ZNF536: variants seen among roughly 807,000 people sequenced by gnomAD.
The protein encoded by ZNF536 is zinc finger protein 536.
ZNF536 carries 13 observed loss-of-function variants against 84.5 expected under a neutral mutation model. The observed-to-expected ratio is 0.15, with a 90% CI of 0.10 to 0.24. The LOEUF is 0.24. Ranked by LOEUF, ZNF536 falls within the 10% of genes least tolerant of loss-of-function variation. The pLI is 1.00. For synonymous variants in ZNF536, 811 were observed against 742.5 expected, an observed-to-expected ratio of 1.09 and a Z score of -1.50; for missense variants, 1,536 against 1,747.5, an observed-to-expected ratio of 0.88 and a Z score of 2.16.
At chr19:30,346,889 T>C (rs1342718623) in intron 2 of ZNF536, among the ~76,000 whole-genome samples, 4 of 152,176 alleles carry the variant, frequency 2.6e-5, no homozygotes, top group African/African-American at 4.8e-5. Context: ...GGTCAAATGG[T>C]ATTTCTGTTT....
chr19:30,560,352 G>A (rs191529907), downstream of ZNF536, among the ~76,000 whole-genome samples: 76 of 151,078 alleles, frequency 5.0e-4, no homozygotes, highest in South Asian at 2.1e-3. Flanking sequence ...CCATCCCTAC[G>A]TGGATATATA....
intron 1 of ZNF536, among the ~76,000 whole-genome samples, chr19:30,585,176 G>A (rs10405094): frequency 0.063 from 9,518 of 152,138 alleles, 831 homozygotes; most frequent in African/African-American, 0.19. Flanking sequence ...TTTTGAGAAG[G>A]CCCAAGAAAT....
chr19:30,235,644 A>T (rs1456807755), intron 1 of ZNF536, among the ~76,000 whole-genome samples: 1 of 152,200 alleles, frequency 6.6e-6, no homozygotes, highest in Non-Finnish European at 1.5e-5. Flanking sequence ...CTAGAGAAAA[A>T]AAGTAGCTTA....
At chr19:30,258,195 A>G (rs2025010364) in intron 1 of ZNF536, among the ~76,000 whole-genome samples, 2 of 152,206 alleles carry the variant, frequency 1.3e-5, no homozygotes, top group Admixed American at 1.3e-4. Context: ...GGCTGCAAAT[A>G]TGCTAACCAT....
At chr19:30,456,753 G>T (rs1473568272) in intron 2 of ZNF536, among the ~76,000 whole-genome samples, 1 of 152,004 alleles carries the variant, frequency 6.6e-6, no homozygotes, top group Non-Finnish European at 1.5e-5. Flanking sequence ...ATGCAAAGAT[G>T]AGTAGAGGCC....
intron 1 of ZNF536, among the ~76,000 whole-genome samples, chr19:30,684,890 A>G (rs113522025): frequency 0.019 from 2,869 of 152,116 alleles, 81 homozygotes; most frequent in African/African-American, 0.065. Context: ...GTTGCACCCT[A>G]TTTATGTCTG....
intron 2 of ZNF536, among the ~76,000 whole-genome samples, chr19:30,510,635 G>C (rs2055370799): frequency 6.6e-6 from 1 of 152,214 alleles, no homozygotes; most frequent in Non-Finnish European, 1.5e-5. Flanking sequence ...TCGATGTAGA[G>C]TGTTGGCCAT....
chr19:30,614,592 G>A (rs1019408585), intron 1 of ZNF536, among the ~76,000 whole-genome samples: 1 of 151,902 alleles, frequency 6.6e-6, no homozygotes, highest in African/African-American at 2.4e-5. Context: ...CTTTAATTAT[G>A]AGTGACATTG....
At chr19:30,271,304 T>C (rs1426939003) in intron 1 of ZNF536, among the ~76,000 whole-genome samples, 6 of 146,550 alleles carry the variant, frequency 4.1e-5, no homozygotes, top group African/African-American at 7.6e-5. Context: ...CTTTTCTTTT[T>C]TTTTTTTTTT....
At chr19:30,658,757 T>C (rs1490542186) in intron 1 of ZNF536, among the ~76,000 whole-genome samples, 3 of 152,196 alleles carry the variant, frequency 2.0e-5, no homozygotes, top group Admixed American at 1.3e-4. Context: ...TTGAAAACTC[T>C]AACCAGTCAG....
At chr19:30,576,859 C>G (rs2046757353) in intron 1 of ZNF536, among the ~76,000 whole-genome samples, 1 of 152,222 alleles carries the variant, frequency 6.6e-6, no homozygotes, top group African/African-American at 2.4e-5. Flanking sequence ...CCTGGAGTTG[C>G]ATGTCTCTTT....
chr19:30,446,271 AAAAG>A (rs1295737805), intron 2 of ZNF536, among the ~76,000 whole-genome samples: 167 of 147,144 alleles, frequency 1.1e-3, no homozygotes, highest in African/African-American at 2.6e-3. Flanking sequence ...AAAAAAAAAA[AAAAG>A]AAAGAAAGAA....
At chr19:30,273,209 TTG>T (rs59032608) in intron 1 of ZNF536, among the ~76,000 whole-genome samples, 44,586 of 149,906 alleles carry the variant, frequency 0.3, 6,573 homozygotes, top group Middle Eastern at 0.36. Flanking sequence ...GCCATGCAGA[TTG>T]TGTGTGTGTG....
At chr19:30,586,101 A>G (rs562384367) in intron 1 of ZNF536, among the ~76,000 whole-genome samples, 9 of 152,282 alleles carry the variant, frequency 5.9e-5, no homozygotes, top group Non-Finnish European at 1.2e-4. Flanking sequence ...CTTAATAGCT[A>G]TGTATATTTG....
intron 2 of ZNF536, among the ~76,000 whole-genome samples, chr19:30,480,885 A>C (rs1232238437): frequency 1.3e-5 from 2 of 152,052 alleles, no homozygotes; most frequent in Admixed American, 1.3e-4. Context: ...AAACTACAAA[A>C]ATTAGCTGGG....
At chr19:30,596,093 C>T (rs1034713934) in intron 1 of ZNF536, among the ~76,000 whole-genome samples, 9 of 152,132 alleles carry the variant, frequency 5.9e-5, no homozygotes, top group African/African-American at 1.4e-4. Flanking sequence ...AGATCGTCTG[C>T]GGGACATACT....
intron 1 of ZNF536, among the ~76,000 whole-genome samples, chr19:30,638,543 C>T (rs767691352): frequency 6.6e-6 from 1 of 152,180 alleles, no homozygotes; most frequent in Non-Finnish European, 1.5e-5. Context: ...AACTTACTCA[C>T]TGTCACAAGA....
chr19:30,254,787 T>C (rs2024823726), intron 1 of ZNF536, among the ~76,000 whole-genome samples: 1 of 152,160 alleles, frequency 6.6e-6, no homozygotes, highest in Non-Finnish European at 1.5e-5. Context: ...AGATGGTGAC[T>C]AGATAAAGCC....
chr19:30,496,978 G>A (rs1351702844), intron 2 of ZNF536, among the ~76,000 whole-genome samples: 2 of 152,202 alleles, frequency 1.3e-5, no homozygotes, highest in African/African-American at 4.8e-5. Flanking sequence ...AAGGGGCTGG[G>A]AGCCCTCTGG....
Sources: allele counts gnomAD v4.1 joint callset (sites outside exome capture counted in the v4.1 genomes callset), GRCh38; gene constraint gnomAD v4.1.1; transcripts MANE v1.5; gene names NCBI Gene and HGNC (gene_info 2026-07-23, HGNC 2026-07-21).